ZNF578: variants seen among roughly 807,000 people sequenced by gnomAD.
The protein encoded by ZNF578 is zinc finger protein 578.
In ZNF578, 8 loss-of-function variants were observed where a neutral mutation model predicts 8.3. The observed-to-expected ratio is 0.96, with a 90% CI of 0.56 to 1.74. The LOEUF is 1.74. ZNF578 is among the 40% of genes most tolerant of loss of function. The pLI is 0.00. For missense variants in ZNF578, 726 were observed against 707.5 expected (o/e 1.03, Z -0.30); for synonymous variants, 206 against 232.2 (o/e 0.89, Z 1.03).
chr19:52,516,079 T>G lies in ZNF578; in HGVS notation c.*3925T>G, dbSNP rs1291847267. Among the ~76,000 whole-genome samples, 1 of 152,084 alleles carries G rather than the reference T, an allele frequency of 6.6e-6. No individual in the cohort carries two copies. The highest frequency in any genetic ancestry group is 1.9e-4 in the East Asian group (1 of 5,168). On this transcript the variant is annotated 3_prime_UTR_variant, in exon 6 of 6. Transcript: ENST00000421239. ...TCCCTCTGCCCCAGTCACATTTGCTTTTCTCTTTTCCCAAACATCAAAACC... is the reference window on the plus strand; with the variant it reads ...TCCCTCTGCCCCAGTCACATTTGCTGTTCTCTTTTCCCAAACATCAAAACC...
chr19:52,458,327 T>C (rs978045029), intron 2 of ZNF578: 38 of 152,072 alleles, frequency 2.5e-4, no homozygotes, highest in African/African-American at 9.0e-4. Flanking sequence ...TGGGTAATAC[T>C]TCTTCTAGGA....
chr19:52,465,056 G>A (rs1203877437), intron 2 of ZNF578, among the ~76,000 whole-genome samples: 2 of 152,158 alleles, frequency 1.3e-5, no homozygotes, highest in Non-Finnish European at 2.9e-5. Flanking sequence ...AAATATTGGG[G>A]AATTCCAAGG....
intron 2 of ZNF578, among the ~76,000 whole-genome samples, chr19:52,472,590 G>A (rs1195699761): frequency 6.6e-6 from 1 of 152,102 alleles, no homozygotes; most frequent in Non-Finnish European, 1.5e-5. Context: ...CAGTCCCTAA[G>A]AACCCATTAC....
At chr19:52,492,010 A>T (rs1201736116) in intron 3 of ZNF578, among the ~76,000 whole-genome samples, 5 of 151,610 alleles carry the variant, frequency 3.3e-5, no homozygotes, top group African/African-American at 7.3e-5. Context: ...AATACAAAAA[A>T]TTAGCTGGGC....
Position 52,510,959 on chromosome 19 carries a change from C to G in ZNF578, c.578C>G (p.Ser193Cys), listed in dbSNP as rs2059442841. ...AACGATGCTTCCTCAATTTCAACAT[C>G]CCAAAGAATTTCTTGTAGGCCTGAA... ...SVNDASSIST[S>C]QRISCRPETH... The change falls in exon 6 of 6, where the codon TCC (serine) becomes TGC (cysteine). Residue 193 changes from serine (S) to cysteine (C), a missense_variant. Transcript: ENST00000421239. 4.3e-6 allele frequency: 7 copies of G among 1,614,004 alleles called. No homozygotes were observed. The South Asian group carries it at 7.7e-5, about 18-fold the overall frequency.
At chr19:52,499,249 T>C (rs1185319598) in intron 3 of ZNF578, among the ~76,000 whole-genome samples, 1 of 152,188 alleles carries the variant, frequency 6.6e-6, no homozygotes, top group Admixed American at 6.5e-5. Context: ...AGGATAATGG[T>C]CATTTTTAAC....
At chr19:52,466,507 A>AT (rs1395158330) in intron 2 of ZNF578, among the ~76,000 whole-genome samples, 24 of 151,934 alleles carry the variant, frequency 1.6e-4, no homozygotes, top group South Asian at 8.3e-4. Context: ...AGTTTTCTCT[A>AT]TGTTTTTTAA....
chr19:52,508,247 A>T (rs2059432142), intron 5 of ZNF578, among the ~76,000 whole-genome samples: 2 of 151,894 alleles, frequency 1.3e-5, no homozygotes, highest in African/African-American at 4.8e-5. Flanking sequence ...TGGGAGGCTG[A>T]GGCAGGAGAA....
At chr19:52,469,752 T>TA (rs1240089819) in intron 2 of ZNF578, among the ~76,000 whole-genome samples, 1 of 152,110 alleles carries the variant, frequency 6.6e-6, no homozygotes. Flanking sequence ...AGTTCCCTGG[T>TA]AAAAAATGAT....
chr19:52,511,458 A>G lies in ZNF578; in HGVS notation c.1077A>G (p.Arg359=). 6.2e-7 allele frequency: 1 copy of G among 1,614,234 alleles called. No individual in the cohort carries two copies. The highest frequency in any genetic ancestry group is 8.5e-7 in the Non-Finnish European group (1 of 1,180,026). ...CCTTCAGTTACAAGTCATCCCTTAG[A>G]TGCCATCGTAGACTTCATACTGGAA... The part of the protein sequence containing the change: ...GKSFSYKSSL[R]CHRRLHTGIK... Residue 359 remains arginine, a synonymous_variant, in exon 6 of 6, where the codon AGA becomes AGG. Coordinates refer to ENST00000421239, the MANE Select transcript of ZNF578 (RefSeq NM_001099694.2).
rs549361863 is a variant in ZNF578 at position 52,475,701 on chromosome 19, T to A, written c.-121-15623T>A. ...CCCCTAATAGCTGTTGAAAATAATT[T>A]GAAGTCTGTAACCTGTCTTTACAGA... On this transcript the variant is annotated intron_variant, in intron 2 of 5. Transcript: ENST00000421239. Among the ~76,000 whole-genome samples the A allele has an allele frequency of 3.9e-5, 6 of 152,332 alleles. No individual in the cohort carries two copies. The South Asian group carries it at 1.2e-3, about 32-fold the overall frequency.
chr19:52,502,375 A>G (rs1259469562), intron 4 of ZNF578, among the ~76,000 whole-genome samples: 1 of 152,196 alleles, frequency 6.6e-6, no homozygotes, highest in Non-Finnish European at 1.5e-5. Context: ...CTCATTTGGT[A>G]ATGCATTTGA....
intron 1 of ZNF578, chr19:52,454,526 A>T (rs1381508791): frequency 6.6e-6 from 1 of 152,196 alleles, no homozygotes. Flanking sequence ...AGTATTTATT[A>T]ATTTGCCAGA....
intron 2 of ZNF578, among the ~76,000 whole-genome samples, chr19:52,461,852 C>T (rs1403302116): frequency 6.6e-6 from 1 of 152,114 alleles, no homozygotes; most frequent in African/African-American, 2.4e-5. Flanking sequence ...TCAGGGTGTT[C>T]AGGGCCTATT....
rs376544097 is a variant in ZNF578, at chr19:52,510,871, C to A, written c.490C>A (p.Leu164Ile). ...GCTTGGATTAAGCTTTCATTTGCAT[C>A]TTCCTGAACTCCACATATTTCAGCC... ...DQLGLSFHLH[L>I]PELHIFQPEE... Residue 164 changes from leucine to isoleucine, a missense_variant, in exon 6 of 6, where the codon CTT becomes ATT. Leu to Ile is a conservative substitution (Grantham distance 5). Coordinates refer to ENST00000421239, the MANE Select transcript of ZNF578 (RefSeq NM_001099694.2). The A allele has an allele frequency of 6.2e-7, 1 of 1,614,062 alleles. No homozygotes were observed. Among genetic ancestry groups the A allele is most frequent in the African/African-American group, 1.3e-5 (1 of 74,932 alleles).
intron 2 of ZNF578, among the ~76,000 whole-genome samples, chr19:52,489,705 A>G (rs576521707): frequency 1.3e-5 from 2 of 151,602 alleles, no homozygotes; most frequent in East Asian, 2.0e-4. Flanking sequence ...GCCCAGCCTG[A>G]AGTGTAGTGG....
rs550864810 is a variant in ZNF578 at position 52,482,411 on chromosome 19, G to A, written c.-121-8913G>A. 2.4e-4 allele frequency among the ~76,000 whole-genome samples: 36 copies of A among 152,218 alleles called. No individual in the cohort carries two copies. The South Asian group carries it at 5.2e-3, about 22-fold the overall frequency. On this transcript the variant is annotated intron_variant, in intron 2 of 5. Transcript: ENST00000421239. ...CTAGCACTTTGGGAGGCCGAGGTACGTGGATCACGAGGTCAGGGGTTCGAG... is the reference window on the plus strand; with the variant it reads ...CTAGCACTTTGGGAGGCCGAGGTACATGGATCACGAGGTCAGGGGTTCGAG...
chr19:52,501,262 G>A (rs8101346), intron 3 of ZNF578, among the ~76,000 whole-genome samples: 41,159 of 152,158 alleles, frequency 0.27, 5,969 homozygotes, highest in East Asian at 0.46. Context: ...GAGCCAGAAC[G>A]TGGGGCTGTG....
At chr19:52,465,900 C>G (rs1013733089) in intron 2 of ZNF578, among the ~76,000 whole-genome samples, 4 of 152,204 alleles carry the variant, frequency 2.6e-5, no homozygotes, top group Non-Finnish European at 5.9e-5. Flanking sequence ...CAGATTCTCT[C>G]GGGCCCCATG....
Sources: gnomAD v4.1 joint callset for allele counts (sites outside exome capture counted in the v4.1 genomes callset) on GRCh38, gnomAD v4.1.1 for gene constraint, MANE v1.5 for transcripts, NCBI Gene and HGNC (gene_info 2026-07-23, HGNC 2026-07-21) for gene names.